Variants in NRG1 observed in about 807,000 individuals in gnomAD.
The protein encoded by NRG1 is neuregulin 1.
NRG1 carries 18 observed loss-of-function variants against 63.8 expected under a neutral mutation model. The ratio of observed to expected loss-of-function variants is 0.28; its 90% CI spans 0.19 to 0.42. The LOEUF (loss-of-function observed/expected upper bound fraction) is 0.42. Among genes scored for constraint, NRG1 ranks in the 10% least tolerant of loss-of-function variants. NRG1 has a pLI of 1.00. For missense variants in NRG1, 762 were observed against 814.7 expected, an observed-to-expected ratio of 0.94 and a Z score of 0.79; for synonymous variants, 302 against 301.3, an observed-to-expected ratio of 1.00 and a Z score of -0.02.
rs1278949686 is a variant in NRG1, at chr8:31,714,712, A to G, written c.37+75281A>G. 2.0e-5 allele frequency among the ~76,000 whole-genome samples: 3 copies of G among 152,268 alleles called. No homozygotes were observed. In the South Asian group the frequency reaches 6.2e-4, roughly 32 times the overall value. On this transcript the variant is annotated intron_variant, in intron 1 of 10. Coordinates refer to the NRG1 transcript ENST00000519301. ...TATCAATTCATCTATCTATCTGTCT[A>G]TCACCTTATCTAGTACTATTCCCTC...
intron 1 of NRG1, among the ~76,000 whole-genome samples, chr8:32,310,023 C>A (rs116258945): frequency 6.6e-6 from 1 of 152,150 alleles, no homozygotes; most frequent in Non-Finnish European, 1.5e-5. Context: ...GGCTTTTTTT[C>A]CCACAAGCGC....
In NRG1 at chr8:32,148,350, GAACTT is replaced by G. The variant is rs954472242; in HGVS notation, c.38-447476_38-447472del. ...ATACCTGCAGGAAGTGGCAAATGTTGAACTTAGCTCCATATATCAGACTCTTGCCA... is the reference window on the plus strand; with the variant it reads ...ATACCTGCAGGAAGTGGCAAATGTTGAGCTCCATATATCAGACTCTTGCCA... On this transcript the variant is annotated intron_variant, in intron 1 of 10. Coordinates refer to the NRG1 transcript ENST00000519301. Among the ~76,000 whole-genome samples the G allele has an allele frequency of 4.6e-5, 7 of 152,258 alleles. No individual in the cohort carries two copies. The East Asian group carries it at 1.4e-3, about 29-fold the overall frequency.
intron 1 of NRG1, among the ~76,000 whole-genome samples, chr8:32,165,139 TA>T (rs1315592358): frequency 6.6e-6 from 1 of 151,704 alleles, no homozygotes; most frequent in Non-Finnish European, 1.5e-5. Context: ...ATATTGCCCT[TA>T]TTTTTTTTTT....
chr8:32,027,601 C>G (rs990291964), intron 1 of NRG1, among the ~76,000 whole-genome samples: 1 of 151,886 alleles, frequency 6.6e-6, no homozygotes, highest in Admixed American at 6.6e-5. Context: ...TCTTGACTCT[C>G]TTCTCACCAT....
chr8:32,677,118 G>C (rs537887275), intron 5 of NRG1, among the ~76,000 whole-genome samples: 1 of 152,168 alleles, frequency 6.6e-6, no homozygotes, highest in African/African-American at 2.4e-5. Flanking sequence ...TGAAAAATAT[G>C]TAAAATTATG....
chr8:32,769,326 G>T (rs182015617), downstream of NRG1, among the ~76,000 whole-genome samples: 247 of 152,196 alleles, frequency 1.6e-3, no homozygotes, highest in African/African-American at 5.7e-3. Context: ...GTGAAGACTC[G>T]CAGCCAGATT....
chr8:32,272,334 A>T (rs1456376130), intron 1 of NRG1, among the ~76,000 whole-genome samples: 1 of 152,112 alleles, frequency 6.6e-6, no homozygotes, highest in Admixed American at 6.6e-5. Flanking sequence ...ATATTCCATC[A>T]TGGGGGCCCA....
chr8:31,982,439 T>G (rs1809291150), intron 1 of NRG1, among the ~76,000 whole-genome samples: 3 of 151,962 alleles, frequency 2.0e-5, no homozygotes, highest in African/African-American at 4.8e-5. Context: ...AGAGAAAGGA[T>G]GAGGAACCCA....
intron 1 of NRG1, 51 bp downstream of exon 1, chr8:32,548,877 A>ACTCCTCCTC: frequency 1.4e-6 from 2 of 1,430,360 alleles, no homozygotes; most frequent in Non-Finnish European, 1.9e-6. Context: ...TGCTCCTCCT[A>ACTCCTCCTC]CTCCTCCTCC....
chr8:32,154,383 C>CCCACTTCCTGCCTTCCTCCCTT (rs1394373564), intron 1 of NRG1, among the ~76,000 whole-genome samples: 4 of 151,762 alleles, frequency 2.6e-5, no homozygotes, highest in Non-Finnish European at 5.9e-5. Flanking sequence ...CTTCCTTTCT[C>CCCACTTCCTGCCTTCCTCCCTT]CCACTTCCTG....
chr8:31,798,139 A>G (rs1821415097), intron 1 of NRG1, among the ~76,000 whole-genome samples: 2 of 152,126 alleles, frequency 1.3e-5, no homozygotes, highest in African/African-American at 4.8e-5. Context: ...TTCTAGTGTT[A>G]TGTGGCACTG....
intron 1 of NRG1, among the ~76,000 whole-genome samples, chr8:31,941,798 C>T (rs1801789241): frequency 6.6e-6 from 1 of 151,588 alleles, no homozygotes; most frequent in South Asian, 2.1e-4. Flanking sequence ...ACAATATCAG[C>T]AAAAAAATAA....
At chr8:32,667,398 C>T (rs1214143463) in intron 5 of NRG1, among the ~76,000 whole-genome samples, 6 of 152,116 alleles carry the variant, frequency 3.9e-5, no homozygotes, top group African/African-American at 1.4e-4. Context: ...CACCTCTTAA[C>T]CGGTTAATAA....
upstream of NRG1, among the ~76,000 whole-genome samples, chr8:32,545,577 C>A (rs1440422823): frequency 6.6e-6 from 1 of 151,658 alleles, no homozygotes; most frequent in Non-Finnish European, 1.5e-5. Context: ...ATTTGCTACT[C>A]CTGACCACAG....
At chr8:32,027,466 T>TTCCTTCCTTCCTTCCCTCCCTCCC (rs1491191069) in intron 1 of NRG1, among the ~76,000 whole-genome samples, 2 of 60,866 alleles carry the variant, frequency 3.3e-5, no homozygotes, top group African/African-American at 1.6e-4. Flanking sequence ...CCTTCCTTCC[T>TTCCTTCCTTCCTTCCCTCCCTCCC]TCCCTCCCTC....
At chr8:31,759,364 T>C (rs1177270449) in intron 1 of NRG1, among the ~76,000 whole-genome samples, 1 of 152,108 alleles carries the variant, frequency 6.6e-6, no homozygotes, top group African/African-American at 2.4e-5. Context: ...TCTTCAGACT[T>C]TTAGCTTATA....
chr8:32,440,629 CATCA>C (rs1163509316), intron 1 of NRG1: 1 of 152,030 alleles, frequency 6.6e-6, no homozygotes, highest in East Asian at 1.9e-4. Context: ...ATAGCAGAGT[CATCA>C]ATCAAACTGA....
At chr8:31,733,888 A>G (rs1010507484) in intron 1 of NRG1, among the ~76,000 whole-genome samples, 3 of 152,080 alleles carry the variant, frequency 2.0e-5, no homozygotes, top group African/African-American at 7.2e-5. Context: ...AAAGATATAA[A>G]TTTCCTGGTC....
At chr8:32,207,743 A>T (rs1017538828) in intron 1 of NRG1, among the ~76,000 whole-genome samples, 1 of 152,192 alleles carries the variant, frequency 6.6e-6, no homozygotes, top group Non-Finnish European at 1.5e-5. Context: ...AAAATATCTG[A>T]CTGTTTGACT....
Sources: gnomAD v4.1 joint callset for allele counts (sites outside exome capture counted in the v4.1 genomes callset) on GRCh38, gnomAD v4.1.1 for gene constraint, MANE v1.5 for transcripts, NCBI Gene and HGNC (gene_info 2026-07-23, HGNC 2026-07-21) for gene names.